ANK2: variants seen among roughly 807,000 people sequenced by gnomAD.
ANK2 encodes ankyrin 2, also known as ankyrin-2.
A neutral mutation model predicts 360.5 loss-of-function variants in ANK2; 83 were observed. The ratio of observed to expected loss-of-function variants is 0.23; its 90% CI spans 0.19 to 0.28. The LOEUF is 0.28. ANK2 is among the 10% of genes least tolerant of loss of function. ANK2 has a pLI of 1.00. For missense variants in ANK2, 4,201 were observed against 4,795.7 expected, an observed-to-expected ratio of 0.88 and a Z score of 3.66; for synonymous variants, 1,740 against 1,759.5, an observed-to-expected ratio of 0.99 and a Z score of 0.28.
In ANK2 at chr4:113,382,619, G is replaced by A. The variant is rs894669450; in HGVS notation, c.*1148G>A. 2 of 152,316 alleles carry A rather than the reference G, an allele frequency of 1.3e-5. No homozygotes were observed. The highest frequency in any genetic ancestry group is 2.9e-5 in the Non-Finnish European group (2 of 67,978). 9.4% of individuals were successfully genotyped at this position (152,316 alleles called of 1,614,324 possible). On this transcript the variant is annotated 3_prime_UTR_variant, in exon 46 of 46. Transcript: ENST00000357077. ...GGTTAAACTCCTTCAGTATGTTGGAGTGGTTTCTTTTTTTTTTTCTTTCTT... is the reference window on the plus strand; with the variant it reads ...GGTTAAACTCCTTCAGTATGTTGGAATGGTTTCTTTTTTTTTTTCTTTCTT...
the ANK2 span, among the ~76,000 whole-genome samples, chr4:112,795,044 T>A: frequency 6.6e-6 from 1 of 152,206 alleles, no homozygotes; most frequent in African/African-American, 2.4e-5. Context: ...AATTTTTAAT[T>A]TTCTCTCTCT....
chr4:113,292,937 C>T (rs1307918287), intron 21 of ANK2: 5 of 350,548 alleles, frequency 1.4e-5, no homozygotes, highest in South Asian at 9.3e-5. Context: ...ACTGGGATCC[C>T]GAGTGGCCTG....
At chr4:113,224,364 C>G (rs1037234519) in intron 4 of ANK2, among the ~76,000 whole-genome samples, 8 of 152,194 alleles carry the variant, frequency 5.3e-5, no homozygotes, top group African/African-American at 1.9e-4. Context: ...AATAAAGCCT[C>G]TCAGAGAGAG....
rs777600064 is a variant in ANK2 at position 113,369,682 on chromosome 4, C to A, written c.11487C>A (p.Pro3829=). 6.2e-7 allele frequency: 1 copy of A among 1,614,122 alleles called. No homozygotes were observed. The highest frequency in any genetic ancestry group is 8.5e-7 in the Non-Finnish European group (1 of 1,180,016). ...ERGGSPIIQE[P]EEPSEHREES... is the part of the protein sequence containing the mutation. Reference sequence around the variant, plus strand: ...GAGGCTCTCCCATCATACAAGAACCCGAAGAGCCCTCAGAGCACAGAGAGG... The same window carrying A: ...GAGGCTCTCCCATCATACAAGAACCAGAAGAGCCCTCAGAGCACAGAGAGG... The change falls in exon 43 of 46, where the codon CCC becomes CCA. Residue 3829 remains proline (P), a synonymous_variant. Coordinates refer to ENST00000357077, the MANE Select transcript of ANK2 (RefSeq NM_001148.6).
rs1458721020 is a variant in ANK2 at position 113,355,645 on chromosome 4, C to T, written c.7027C>T (p.Leu2343=). 6.2e-7 allele frequency: 1 copy of T among 1,614,078 alleles called. No homozygotes were observed. Among genetic ancestry groups the T allele is most frequent in the South Asian group, 1.1e-5 (1 of 91,080 alleles). The change falls in exon 38 of 46, where the codon CTG becomes TTG. Residue 2343 remains leucine (L), a synonymous_variant. Transcript: ENST00000357077. Reference sequence around the variant, plus strand: ...ATTAGCTAAAGAGACACCTACAGGACTGACTGAGGAGGCAGCCTGTGATGA... The same window carrying T: ...ATTAGCTAAAGAGACACCTACAGGATTGACTGAGGAGGCAGCCTGTGATGA... ...VALAKETPTG[L]TEEAACDEGQ...
At chr4:113,216,977 T>C (rs1451549894) in intron 4 of ANK2, 1 of 152,146 alleles carries the variant, frequency 6.6e-6, no homozygotes, top group Non-Finnish European at 1.5e-5. Context: ...CATCACACTC[T>C]ACAATTTTCA....
At chr4:113,304,099 C>T (rs111561468) in intron 23 of ANK2, among the ~76,000 whole-genome samples, 2 of 152,168 alleles carry the variant, frequency 1.3e-5, no homozygotes, top group Non-Finnish European at 2.9e-5. Context: ...CCAGCAGTTC[C>T]AAATATTTAG....
chr4:113,097,917 TAC>T (rs138950610), intron 1 of ANK2, among the ~76,000 whole-genome samples: 15 of 145,584 alleles, frequency 1.0e-4, no homozygotes, highest in South Asian at 2.2e-4. Flanking sequence ...TATGTATATA[TAC>T]ACACACACAC....
Position 113,357,998 on chromosome 4 carries a change from A to C in ANK2, c.9380A>C (p.Glu3127Ala). The C allele has an allele frequency of 6.2e-7, 1 of 1,614,050 alleles. No homozygotes were observed. The highest frequency in any genetic ancestry group is 8.5e-7 in the Non-Finnish European group (1 of 1,179,968). The change falls in exon 38 of 46, where the codon GAA becomes GCA. Residue 3127 changes from glutamate (E) to alanine (A), a missense_variant. This residue lies in a region of ANK2 where 2,642 missense variants were observed against 2,714.5 expected (regional missense o/e 0.97). Transcript: ENST00000357077. ...ATGACCAAAAGGTCCTATGCAGATG[A>C]AAGTTTTCACTTTTTCCAAATTGGT... ...IDMTKRSYAD[E>A]SFHFFQIGQE... is the part of the protein sequence containing the mutation.
chr4:113,144,865 G>A (rs72673432), intron 1 of ANK2, among the ~76,000 whole-genome samples: 6,275 of 148,610 alleles, frequency 0.042, 162 homozygotes, highest in Non-Finnish European at 0.062. Context: ...AACCCTAATG[G>A]AGGAATAAAG....
chr4:112,819,756 C>T (rs941539505), intron 1 of ANK2, among the ~76,000 whole-genome samples: 1 of 152,196 alleles, frequency 6.6e-6, no homozygotes, highest in Non-Finnish European at 1.5e-5. Context: ...CCTCCCACCC[C>T]ACCCTACTTT....
At chr4:112,901,390 G>A (rs1216504389) in intron 1 of ANK2, among the ~76,000 whole-genome samples, 2 of 152,068 alleles carry the variant, frequency 1.3e-5, no homozygotes, top group African/African-American at 4.8e-5. Flanking sequence ...AAAGTTAGGA[G>A]AAAAAAATAC....
At chr4:112,850,441 G>A (rs1318100185) in intron 1 of ANK2, among the ~76,000 whole-genome samples, 1 of 21,738 alleles carries the variant, frequency 4.6e-5, no homozygotes, top group Non-Finnish European at 7.5e-5. Context: ...GTTGTTGTTC[G>A]TTTCTTTTTT....
chr4:113,004,835 T>A (rs2052195407), intron 2 of ANK2, among the ~76,000 whole-genome samples: 1 of 152,158 alleles, frequency 6.6e-6, no homozygotes, highest in Non-Finnish European at 1.5e-5. Context: ...AGCTGTGACA[T>A]CACGAGGTGA....
chr4:112,761,891 A>C, the ANK2 span, among the ~76,000 whole-genome samples: 1 of 152,202 alleles, frequency 6.6e-6, no homozygotes. Context: ...TCTGAATAAC[A>C]TAGTACGTTC....
At chr4:113,198,507 T>C (rs2098783028) in intron 3 of ANK2, among the ~76,000 whole-genome samples, 1 of 152,178 alleles carries the variant, frequency 6.6e-6, no homozygotes, top group Non-Finnish European at 1.5e-5. Flanking sequence ...TTATGATTTA[T>C]GTAAAATTTA....
chr4:113,062,880 C>T (rs1438150375), intron 1 of ANK2, among the ~76,000 whole-genome samples: 1 of 152,066 alleles, frequency 6.6e-6, no homozygotes, highest in East Asian at 1.9e-4. Context: ...TTTGCCTTTT[C>T]TGTCTACATT....
chr4:112,714,238 A>C, the ANK2 span, among the ~76,000 whole-genome samples: 6 of 152,136 alleles, frequency 3.9e-5, no homozygotes, highest in Non-Finnish European at 4.4e-5. Flanking sequence ...GCTGGAGGGC[A>C]GTGGTGGGAT....
At chr4:113,298,937 C>T (rs1237822398) in intron 22 of ANK2, among the ~76,000 whole-genome samples, 1 of 152,112 alleles carries the variant, frequency 6.6e-6, no homozygotes, top group South Asian at 2.1e-4. Context: ...ACTTATTTTC[C>T]ATCCATTCAA....
Sources: allele counts gnomAD v4.1 joint callset (sites outside exome capture counted in the v4.1 genomes callset), GRCh38; gene constraint gnomAD v4.1.1; regional missense constraint gnomAD v4.1.1; transcripts MANE v1.5; gene names NCBI Gene and HGNC (gene_info 2026-07-23, HGNC 2026-07-21).